NOL4: variants seen among roughly 807,000 people sequenced by gnomAD.
NOL4 encodes nucleolar protein 4, also known as cancer/testis antigen 125.
Under a neutral mutation model 75.9 loss-of-function variants are expected in NOL4, and 17 were observed. That is an observed-to-expected ratio of 0.22 (90% CI 0.15 to 0.34). The LOEUF is 0.34. Ranked by LOEUF, NOL4 falls within the 10% of genes least tolerant of loss-of-function variation. The probability of loss-of-function intolerance (pLI) is 1.00; values close to 1 mark genes in which losing one functional copy is unlikely to be tolerated. For synonymous variants in NOL4, 292 were observed against 289.9 expected (o/e 1.01, Z -0.07); for missense variants, 614 against 793.5 (o/e 0.77, Z 2.72).
chr18:34,099,094 C>T (rs2078920599), intron 4 of NOL4, among the ~76,000 whole-genome samples: 1 of 151,812 alleles, frequency 6.6e-6, no homozygotes, highest in Non-Finnish European at 1.5e-5. Context: ...AGGCCAGGCA[C>T]CCTCACACCT....
chr18:34,137,499 A>G (rs569112983), intron 1 of NOL4, among the ~76,000 whole-genome samples: 1 of 152,298 alleles, frequency 6.6e-6, no homozygotes, highest in African/African-American at 2.4e-5. Flanking sequence ...TTCTCCAAAA[A>G]GATGTTTAAA....
intron 1 of NOL4, among the ~76,000 whole-genome samples, chr18:34,142,273 C>T (rs967522324): frequency 2.6e-5 from 4 of 152,142 alleles, no homozygotes; most frequent in African/African-American, 7.2e-5. Flanking sequence ...GTCAGTGTGG[C>T]GATTCCTCAA....
rs888383872 is a variant in NOL4, at chr18:34,078,771, A to G, written c.772+14694T>C. ...GCCTCGTGATCACTTATAAAAGAAC[A>G]TAGGTATATAATAAACATAATATCC... On this transcript the variant is annotated intron_variant, in intron 5 of 10. Coordinates refer to ENST00000261592, the MANE Select transcript of NOL4 (RefSeq NM_003787.5). Among the ~76,000 whole-genome samples the G allele has an allele frequency of 9.2e-5, 14 of 152,332 alleles. No individual in the cohort carries two copies. In the East Asian group the frequency reaches 2.7e-3, roughly 29 times the overall value.
intron 6 of NOL4, among the ~76,000 whole-genome samples, chr18:34,007,803 G>T (rs2074121762): frequency 6.6e-6 from 1 of 151,966 alleles, no homozygotes; most frequent in African/African-American, 2.4e-5. Flanking sequence ...GTTGTATCAT[G>T]TCAGGCAGAA....
chr18:33,946,820 T>G (rs927652803), intron 8 of NOL4, among the ~76,000 whole-genome samples: 3 of 151,772 alleles, frequency 2.0e-5, no homozygotes, highest in Admixed American at 1.3e-4. Flanking sequence ...AATTCTTAAC[T>G]GATGTAATCT....
Position 33,905,997 on chromosome 18 carries a change from T to G in NOL4, c.1543-22573A>C, listed in dbSNP as rs561244117. Reference sequence around the variant, plus strand: ...CAGTGAAAAGGAGGCCTAGCATGACTAACTCCATTTTGCTCCTAAACTCAT... The same window carrying G: ...CAGTGAAAAGGAGGCCTAGCATGACGAACTCCATTTTGCTCCTAAACTCAT... On this transcript the variant is annotated intron_variant, in intron 9 of 10. Transcript: ENST00000261592. Among the ~76,000 whole-genome samples the G allele has an allele frequency of 3.3e-5, 5 of 152,332 alleles. No individual in the cohort carries two copies. The East Asian group carries it at 7.7e-4, about 24-fold the overall frequency.
intron 1 of NOL4, among the ~76,000 whole-genome samples, chr18:34,162,968 A>G (rs1011113215): frequency 6.6e-6 from 1 of 152,236 alleles, no homozygotes; most frequent in African/African-American, 2.4e-5. Flanking sequence ...TCCAGCATAT[A>G]AACAGAACCT....
chr18:34,009,345 CT>C (rs2074242590), intron 6 of NOL4, among the ~76,000 whole-genome samples: 3 of 151,996 alleles, frequency 2.0e-5, no homozygotes, highest in African/African-American at 7.2e-5. Flanking sequence ...CTAGTATTTG[CT>C]AGCTTAAATA....
At chr18:34,219,770 G>C (rs956520136) in intron 1 of NOL4, among the ~76,000 whole-genome samples, 2 of 152,224 alleles carry the variant, frequency 1.3e-5, no homozygotes, top group Non-Finnish European at 1.5e-5. Context: ...AAAGCAGATG[G>C]GTTGCTCAAC....
intron 6 of NOL4, among the ~76,000 whole-genome samples, chr18:33,963,711 T>C (rs187976068): frequency 1.3e-5 from 2 of 152,262 alleles, no homozygotes; most frequent in Admixed American, 1.3e-4. Flanking sequence ...ATTCCTCCCA[T>C]GATAAAACGT....
chr18:34,003,652 C>T (rs2073865106), intron 6 of NOL4, among the ~76,000 whole-genome samples: 1 of 152,074 alleles, frequency 6.6e-6, no homozygotes. Flanking sequence ...TCATTACTGC[C>T]TCACCTCTGG....
intron 9 of NOL4, among the ~76,000 whole-genome samples, chr18:33,898,678 T>C (rs1241734108): frequency 6.6e-6 from 1 of 152,200 alleles, no homozygotes; most frequent in Non-Finnish European, 1.5e-5. Flanking sequence ...CATCTCTCAT[T>C]TGAATTATTG....
At chr18:34,094,166 T>TA (rs1255888947) in intron 4 of NOL4, among the ~76,000 whole-genome samples, 3 of 152,138 alleles carry the variant, frequency 2.0e-5, no homozygotes, top group Admixed American at 2.0e-4. Flanking sequence ...GAGTTAATCA[T>TA]AAAATGTAAC....
At chr18:34,065,339 T>G (rs2077229826) in intron 5 of NOL4, among the ~76,000 whole-genome samples, 1 of 151,930 alleles carries the variant, frequency 6.6e-6, no homozygotes, top group African/African-American at 2.4e-5. Context: ...TAAGAACCAG[T>G]AAGAGCTTAT....
chr18:33,964,595 C>T (rs1180819078), intron 6 of NOL4, among the ~76,000 whole-genome samples: 1 of 152,098 alleles, frequency 6.6e-6, no homozygotes, highest in African/African-American at 2.4e-5. Context: ...CAGTGGTTCT[C>T]AAAATGTGCT....
At chr18:33,995,095 T>G (rs910979131) in intron 6 of NOL4, among the ~76,000 whole-genome samples, 91 of 151,618 alleles carry the variant, frequency 6.0e-4, no homozygotes, top group Admixed American at 5.9e-3. Flanking sequence ...GGTAGACATA[T>G]AAGTGTAGGC....
intron 6 of NOL4, among the ~76,000 whole-genome samples, chr18:33,991,710 G>A (rs2072929043): frequency 1.3e-5 from 2 of 152,016 alleles, no homozygotes; most frequent in South Asian, 2.1e-4. Context: ...TTTAAATCAG[G>A]TAAAATTAAG....
At chr18:34,132,358 G>T (rs1465234434) in intron 1 of NOL4, among the ~76,000 whole-genome samples, 1 of 152,212 alleles carries the variant, frequency 6.6e-6, no homozygotes, top group African/African-American at 2.4e-5. Flanking sequence ...ATGGGTATGA[G>T]TTAGAGCACA....
At chr18:34,008,944 C>T (rs1483747886) in intron 6 of NOL4, among the ~76,000 whole-genome samples, 6 of 152,082 alleles carry the variant, frequency 3.9e-5, no homozygotes, top group South Asian at 4.1e-4. Flanking sequence ...ATTTAACAAA[C>T]ATTTGACAGG....
Sources: allele counts gnomAD v4.1 joint callset (sites outside exome capture counted in the v4.1 genomes callset), GRCh38; gene constraint gnomAD v4.1.1; transcripts MANE v1.5; gene names NCBI Gene and HGNC (gene_info 2026-07-23, HGNC 2026-07-21).